ADAMTS6: variants seen among roughly 807,000 people sequenced by gnomAD.
ADAMTS6 encodes the protein A disintegrin and metalloproteinase with thrombospondin motifs 6.
In ADAMTS6, 23 loss-of-function variants were observed where a neutral mutation model predicts 144.3. The observed-to-expected ratio is 0.16, with a 90% CI of 0.11 to 0.23. ADAMTS6 has a LOEUF of 0.23. Ranked by LOEUF, ADAMTS6 falls within the 10% of genes least tolerant of loss-of-function variation. The pLI is 1.00. For missense variants in ADAMTS6, 999 were observed against 1,379.6 expected (o/e 0.72, Z 4.37); for synonymous variants, 444 against 457.5 (o/e 0.97, Z 0.38).
intron 24 of ADAMTS6, 141 bp downstream of exon 24, chr5:65,170,476 T>G: frequency 1.1e-6 from 1 of 927,212 alleles, no homozygotes; most frequent in South Asian, 2.6e-5. Context: ...GTTTCCTGAT[T>G]GCTGTCTGCA....
At chr5:65,291,508 T>C in intron 10 of ADAMTS6, 38 bp from the exon 11 acceptor site, 1 of 1,563,572 alleles carries the variant, frequency 6.4e-7, no homozygotes, top group Non-Finnish European at 8.7e-7. Context: ...TTAGGTATTC[T>C]ATGGGCTATT....
chr5:65,197,228 T>C (rs1755445497), intron 20 of ADAMTS6, 77 bp from the exon 21 acceptor site: 2 of 1,501,704 alleles, frequency 1.3e-6, no homozygotes, highest in Non-Finnish European at 1.8e-6. Flanking sequence ...CTTTCCTCTG[T>C]GGGGAATTGA....
At chr5:65,341,178 C>G (rs1747782185) in intron 7 of ADAMTS6, among the ~76,000 whole-genome samples, 2 of 151,742 alleles carry the variant, frequency 1.3e-5, no homozygotes, top group Non-Finnish European at 2.9e-5. Context: ...AGAAACACAA[C>G]ATACCAAAAC....
intron 18 of ADAMTS6, among the ~76,000 whole-genome samples, chr5:65,223,487 T>C (rs1407550469): frequency 6.6e-6 from 1 of 152,208 alleles, no homozygotes; most frequent in Admixed American, 6.5e-5. Flanking sequence ...ACCTCCTCCC[T>C]GCCCCCTGGT....
At chr5:65,190,187 T>C (rs1360023514) in intron 21 of ADAMTS6, among the ~76,000 whole-genome samples, 1 of 152,254 alleles carries the variant, frequency 6.6e-6, no homozygotes, top group Non-Finnish European at 1.5e-5. Flanking sequence ...AATTATATTT[T>C]ATCAACATCT....
intron 11 of ADAMTS6, among the ~76,000 whole-genome samples, chr5:65,286,382 C>A (rs983091277): frequency 2.0e-5 from 3 of 152,150 alleles, no homozygotes; most frequent in African/African-American, 7.2e-5. Flanking sequence ...CATGTGTTCC[C>A]ATTTATGGTT....
chr5:65,270,882 AG>A (rs1762000549), intron 12 of ADAMTS6, among the ~76,000 whole-genome samples: 1 of 152,186 alleles, frequency 6.6e-6, no homozygotes, highest in African/African-American at 2.4e-5. Flanking sequence ...GACAGGGTAA[AG>A]GGCAGGCAAG....
chr5:65,445,329 T>C (rs577927679), intron 7 of ADAMTS6, among the ~76,000 whole-genome samples: 2 of 152,174 alleles, frequency 1.3e-5, no homozygotes, highest in East Asian at 1.9e-4. Context: ...CTCTTTCAGT[T>C]TTTTTGTGGT....
intron 7 of ADAMTS6, among the ~76,000 whole-genome samples, chr5:65,367,656 A>G (rs1750425970): frequency 6.6e-6 from 1 of 152,124 alleles, no homozygotes; most frequent in Non-Finnish European, 1.5e-5. Flanking sequence ...CAGCCTTCCC[A>G]TGCAGCTGGT....
intron 9 of ADAMTS6, among the ~76,000 whole-genome samples, chr5:65,302,488 A>G (rs908013753): frequency 6.6e-6 from 1 of 151,564 alleles, no homozygotes; most frequent in Non-Finnish European, 1.5e-5. Context: ...AGAAAGAGAA[A>G]TGTATGAGAG....
chr5:65,459,807 AGTG>A (rs1198952458), intron 4 of ADAMTS6, among the ~76,000 whole-genome samples: 10 of 152,222 alleles, frequency 6.6e-5, no homozygotes, highest in Non-Finnish European at 1.2e-4. Flanking sequence ...GTCTTATTCA[AGTG>A]TCTAGATTCC....
intron 24 of ADAMTS6, among the ~76,000 whole-genome samples, chr5:65,153,547 G>A (rs915232581): frequency 6.6e-6 from 1 of 152,212 alleles, no homozygotes; most frequent in Non-Finnish European, 1.5e-5. Context: ...GATAAGTGTA[G>A]GATACTGAAT....
In ADAMTS6 at chr5:65,230,856, A is replaced by AAT. The variant is rs201120430; in HGVS notation, c.1934-4639_1934-4638dup. On this transcript the variant is annotated intron_variant, in intron 15 of 24. Coordinates refer to ENST00000381055, the MANE Select transcript of ADAMTS6 (RefSeq NM_197941.4). Reference sequence around the variant, plus strand: ...ATATATATATAATACATATATATGAAATATATATAATACATATATATGAAA... The same window carrying AAT: ...ATATATATATAATACATATATATGAAATATATATATAATACATATATATGAAA... Among the ~76,000 whole-genome samples the AAT allele has an allele frequency of 5.5e-4, 32 of 58,496 alleles. 2 individuals are homozygous for AAT. Among genetic ancestry groups the AAT allele is most frequent in the African/African-American group, 8.8e-4 (16 of 18,230 alleles). The allele number at this position is 58,496 out of a possible 152,430, so 38.4% of individuals were successfully genotyped here. A position where few individuals can be genotyped will look rare whatever the true frequency, so the allele number is the denominator to read the frequency against.
chr5:65,268,135 A>G (rs1761767541), intron 12 of ADAMTS6, among the ~76,000 whole-genome samples: 1 of 152,240 alleles, frequency 6.6e-6, no homozygotes, highest in South Asian at 2.1e-4. Context: ...TTAGAAGGGC[A>G]TTTAATAATA....
intron 1 of ADAMTS6, among the ~76,000 whole-genome samples, chr5:65,477,764 T>A (rs1367213660): frequency 1.0e-5 from 1 of 98,288 alleles, no homozygotes; most frequent in Non-Finnish European, 1.8e-5. Flanking sequence ...CCTCCCCACA[T>A]TTTTTTTTTT....
At chr5:65,446,220 A>C (rs1318035397) in intron 7 of ADAMTS6, among the ~76,000 whole-genome samples, 1 of 152,216 alleles carries the variant, frequency 6.6e-6, no homozygotes, top group Non-Finnish European at 1.5e-5. Flanking sequence ...GTCCTAATAC[A>C]TTACCATGAA....
At chr5:65,424,225 G>A (rs1238080261) in intron 7 of ADAMTS6, among the ~76,000 whole-genome samples, 1 of 152,054 alleles carries the variant, frequency 6.6e-6, no homozygotes, top group Non-Finnish European at 1.5e-5. Flanking sequence ...TTTGAAGTAC[G>A]GATCATGAAA....
intron 7 of ADAMTS6, among the ~76,000 whole-genome samples, chr5:65,402,331 A>G (rs1164542800): frequency 6.6e-6 from 1 of 152,108 alleles, no homozygotes; most frequent in African/African-American, 2.4e-5. Context: ...CTACCCAACC[A>G]GATGAATGTG....
At chr5:65,420,850 T>C (rs1223026006) in intron 7 of ADAMTS6, among the ~76,000 whole-genome samples, 2 of 151,974 alleles carry the variant, frequency 1.3e-5, no homozygotes, top group African/African-American at 4.8e-5. Flanking sequence ...CAAAAGAGCA[T>C]ACTGACAATA....
Sources: allele counts gnomAD v4.1 joint callset (sites outside exome capture counted in the v4.1 genomes callset), GRCh38; gene constraint gnomAD v4.1.1; transcripts MANE v1.5; gene names NCBI Gene and HGNC (gene_info 2026-07-23, HGNC 2026-07-21).